Variants in FGF12 observed in about 807,000 individuals in gnomAD.
The protein encoded by FGF12 is fibroblast growth factor 12.
In FGF12, 14 loss-of-function variants were observed where a neutral mutation model predicts 23.6. That is an observed-to-expected ratio of 0.59 (90% CI 0.39 to 0.93). The LOEUF is 0.93. Ranked by LOEUF, FGF12 falls within the 40% of genes least tolerant of loss-of-function variation. The pLI, the probability that FGF12 is intolerant of heterozygous loss-of-function variation, is 0.00. For missense variants in FGF12, 175 were observed against 217.8 expected (o/e 0.80, Z 1.24); for synonymous variants, 62 against 77.3 (o/e 0.80, Z 1.04).
Position 192,408,632 on chromosome 3 carries a change from G to C in FGF12, c.14-48094C>G. On this transcript the variant is annotated intron_variant, in intron 2 of 5. Transcript: ENST00000445105. The surrounding 1 kb of genome is among the most constrained non-coding windows in gnomAD (Gnocchi z 7.3). ...GCCCAAAATAACAAGACGTGCCTCT[G>C]TTGGAGAGGCGCAAGCGTTGTAAGG... The C allele has an allele frequency of 2.0e-5, 21 of 1,044,736 alleles. No individual in the cohort carries two copies. The highest frequency in any genetic ancestry group is 2.2e-5 in the Non-Finnish European group (19 of 867,064). 64.7% of individuals were successfully genotyped at this position (1,044,736 alleles called of 1,614,324 possible).
chr3:192,615,574 T>C (rs1714725595), intron 2 of FGF12, among the ~76,000 whole-genome samples: 1 of 152,158 alleles, frequency 6.6e-6, no homozygotes, highest in Non-Finnish European at 1.5e-5. Context: ...TTAAAACATA[T>C]GTATGACATG....
chr3:192,582,850 C>T (rs747772801), intron 2 of FGF12, among the ~76,000 whole-genome samples: 10 of 152,136 alleles, frequency 6.6e-5, no homozygotes, highest in Non-Finnish European at 1.2e-4. Context: ...GGCAGGTACT[C>T]CCCAGGCCTA....
intron 5 of FGF12, among the ~76,000 whole-genome samples, chr3:192,163,642 A>C (rs1041127695): frequency 6.6e-6 from 1 of 152,194 alleles, no homozygotes. Context: ...GGTTTCAAAC[A>C]TCAGATCACT....
intron 2 of FGF12, among the ~76,000 whole-genome samples, chr3:192,629,256 G>C (rs1262259530): frequency 6.6e-6 from 1 of 152,178 alleles, no homozygotes; most frequent in Non-Finnish European, 1.5e-5. Context: ...GTAACCCACT[G>C]AACACAGCAA....
intron 2 of FGF12, among the ~76,000 whole-genome samples, chr3:192,698,065 C>G (rs1718180606): frequency 6.6e-6 from 1 of 152,104 alleles, no homozygotes; most frequent in Admixed American, 6.5e-5. Flanking sequence ...TCTCCCATCA[C>G]AGAAGGTAAA....
intron 5 of FGF12, among the ~76,000 whole-genome samples, chr3:192,160,937 A>G (rs1181706044): frequency 1.3e-5 from 2 of 152,144 alleles, no homozygotes; most frequent in African/African-American, 4.8e-5. Flanking sequence ...AAGGAATACT[A>G]TACGGTAGAC....
chr3:192,418,066 G>A (rs1215937779), intron 2 of FGF12, among the ~76,000 whole-genome samples: 1 of 152,008 alleles, frequency 6.6e-6, no homozygotes, highest in Non-Finnish European at 1.5e-5. Flanking sequence ...TATTAGTCTG[G>A]AGTTGTGGAC....
In FGF12 at chr3:192,299,392, G is replaced by A. The variant is rs889631113; in HGVS notation, c.228+35969C>T. On this transcript the variant is annotated intron_variant, in intron 4 of 5. Transcript: ENST00000445105. ...ATACAAATTGGTTGTATGTAAATAT[G>A]TGCTTCTATAGTGTTTGAGGACATG... Among the ~76,000 whole-genome samples the A allele has an allele frequency of 2.0e-4, 30 of 152,148 alleles. 2 individuals are homozygous for A. Among genetic ancestry groups the A allele is most frequent in the Non-Finnish European group, 1.5e-5 (1 of 68,030 alleles).
At chr3:192,556,828 G>T (rs1281928102) in intron 2 of FGF12, among the ~76,000 whole-genome samples, 1 of 152,074 alleles carries the variant, frequency 6.6e-6, no homozygotes, top group African/African-American at 2.4e-5. Flanking sequence ...GCTCCTGGAA[G>T]ATTAAAATTA....
intron 4 of FGF12, among the ~76,000 whole-genome samples, chr3:192,208,876 G>A (rs575123380): frequency 1.3e-5 from 2 of 152,246 alleles, no homozygotes; most frequent in Non-Finnish European, 2.9e-5. Flanking sequence ...TGTCTCACTC[G>A]GCATAAAGTG....
chr3:192,726,918 G>A (rs993295156), intron 2 of FGF12: 28 of 527,062 alleles, frequency 5.3e-5, no homozygotes, highest in African/African-American at 4.2e-4. Context: ...ATTTTGGGGG[G>A]ACTCTCCCCA....
At chr3:192,441,521 AC>A (rs1169349347) in intron 2 of FGF12, among the ~76,000 whole-genome samples, 1 of 152,098 alleles carries the variant, frequency 6.6e-6, no homozygotes, top group African/African-American at 2.4e-5. Flanking sequence ...CACAGCCTAG[AC>A]CCAGGGAGCC....
At chr3:192,695,901 C>T (rs1718105378) in intron 2 of FGF12, among the ~76,000 whole-genome samples, 1 of 152,100 alleles carries the variant, frequency 6.6e-6, no homozygotes, top group Non-Finnish European at 1.5e-5. Flanking sequence ...AAGTTCAAGA[C>T]CAGCCTGGCC....
At chr3:192,240,185 CAT>C (rs1271488104) in intron 4 of FGF12, among the ~76,000 whole-genome samples, 10 of 152,138 alleles carry the variant, frequency 6.6e-5, no homozygotes, top group African/African-American at 1.9e-4. Context: ...TTCATTTTTC[CAT>C]ATGTTTGTTA....
At chr3:192,273,906 TA>T (rs11308169) in intron 4 of FGF12, among the ~76,000 whole-genome samples, 50,797 of 144,126 alleles carry the variant, frequency 0.35, 9,542 homozygotes, top group East Asian at 0.89. Context: ...GTGAGTGAAT[TA>T]AAAAAAAAAA....
chr3:192,192,550 G>A (rs542344469), intron 4 of FGF12, among the ~76,000 whole-genome samples: 1 of 150,070 alleles, frequency 6.7e-6, no homozygotes, highest in South Asian at 2.1e-4. Flanking sequence ...AAACAAGACA[G>A]ATCTTCGCAC....
At chr3:192,649,911 C>T (rs1375950675) in intron 2 of FGF12, among the ~76,000 whole-genome samples, 1 of 152,110 alleles carries the variant, frequency 6.6e-6, no homozygotes, top group African/African-American at 2.4e-5. Context: ...TTTTAAAATG[C>T]AGCTTAAGTT....
At chr3:192,424,355 T>C (rs1721627362) in intron 2 of FGF12, among the ~76,000 whole-genome samples, 1 of 152,176 alleles carries the variant, frequency 6.6e-6, no homozygotes, top group Non-Finnish European at 1.5e-5. Context: ...GGTAGTGCTG[T>C]TTGCAAAACA....
chr3:192,717,285 G>A (rs1001284740), intron 2 of FGF12, among the ~76,000 whole-genome samples: 3 of 152,118 alleles, frequency 2.0e-5, no homozygotes, highest in African/African-American at 7.2e-5. Flanking sequence ...TGTGACCTGG[G>A]CAAATTACTT....
Sources: allele counts gnomAD v4.1 joint callset (sites outside exome capture counted in the v4.1 genomes callset), GRCh38; gene constraint gnomAD v4.1.1; non-coding constraint Gnocchi (gnomAD v3.1); transcripts MANE v1.5; gene names NCBI Gene and HGNC (gene_info 2026-07-23, HGNC 2026-07-21).